The following RDX variants were observed in gnomAD, a reference collection of about 807,000 sequenced individuals.
RDX encodes the protein radixin, also known as deafness, autosomal recessive 24.
RDX carries 32 observed loss-of-function variants against 83.7 expected under a neutral mutation model. The ratio of observed to expected loss-of-function variants is 0.38; its 90% CI spans 0.29 to 0.51. The LOEUF (loss-of-function observed/expected upper bound fraction) is 0.51, where lower values mean the gene tolerates loss of function less well. Among genes scored for constraint, RDX ranks in the 20% least tolerant of loss-of-function variants. The pLI is 0.87. For synonymous variants in RDX, 229 were observed against 222.7 expected, an observed-to-expected ratio of 1.03 and a Z score of -0.25; for missense variants, 600 against 689.9, an observed-to-expected ratio of 0.87 and a Z score of 1.46.
chr11:110,197,293 G>A (rs976289181), intron 15 of RDX, among the ~76,000 whole-genome samples: 1 of 152,158 alleles, frequency 6.6e-6, no homozygotes, highest in Admixed American at 6.6e-5. Flanking sequence ...CAGTGCTGTG[G>A]AGAAGCCCTG....
chr11:110,194,001 A>C (rs1257392077), intron 15 of RDX, among the ~76,000 whole-genome samples: 1 of 152,236 alleles, frequency 6.6e-6, no homozygotes, highest in Admixed American at 6.5e-5. Flanking sequence ...GTTTTTGCCC[A>C]GTGCATTGCA....
intron 14 of RDX, among the ~76,000 whole-genome samples, chr11:110,216,993 C>T (rs975465308): frequency 1.3e-5 from 2 of 152,206 alleles, no homozygotes; most frequent in Non-Finnish European, 2.9e-5. Flanking sequence ...CCTCCCTCTT[C>T]CTCACTCTTT....
intron 3 of RDX, among the ~76,000 whole-genome samples, chr11:110,271,743 C>T (rs577303961): frequency 1.3e-5 from 2 of 152,134 alleles, no homozygotes; most frequent in East Asian, 1.9e-4. Flanking sequence ...CTTAACATAC[C>T]GGATACCTGA....
intron 3 of RDX, among the ~76,000 whole-genome samples, chr11:110,270,708 A>C (rs975835041): frequency 6.6e-6 from 1 of 152,234 alleles, no homozygotes; most frequent in Non-Finnish European, 1.5e-5. Flanking sequence ...CAGTGCCCAC[A>C]CTTCTAAACC....
rs113676544 is a variant in RDX, at chr11:110,232,114, A to C, written c.1588-81T>G. 245 of 1,078,486 alleles carry C rather than the reference A, an allele frequency of 2.3e-4. 2 individuals carry two copies. The African/African-American group carries it at 3.4e-3, about 15-fold the overall frequency. 66.8% of individuals were successfully genotyped at this position (1,078,486 alleles called of 1,614,324 possible). A position where few individuals can be genotyped will look rare whatever the true frequency, so the allele number is the denominator to read the frequency against. ...TATGAAAATGGCTTTAAGATGCAAA[A>C]ATACATATACCAAATCATTTCCACT... On this transcript the variant is annotated intron_variant, in intron 13 of 13. Coordinates refer to ENST00000645495, the MANE Select transcript of RDX (RefSeq NM_002906.4).
At chr11:110,225,902 G>GA (rs141926879), downstream of RDX, among the ~76,000 whole-genome samples, 11,798 of 150,658 alleles carry the variant, frequency 0.078, 671 homozygotes, top group Non-Finnish European at 0.12. Flanking sequence ...AAAAGAAGAA[G>GA]AAAAAAATAC....
intron 1 of RDX, chr11:110,288,193 CAT>C (rs765883287): frequency 5.9e-5 from 9 of 152,136 alleles, no homozygotes; most frequent in Non-Finnish European, 1.3e-4. Flanking sequence ...GAGTAATATA[CAT>C]GTTACTGAAA....
At chr11:110,210,781 G>A (rs2134255274) in intron 14 of RDX, among the ~76,000 whole-genome samples, 1 of 152,014 alleles carries the variant, frequency 6.6e-6, no homozygotes, top group South Asian at 2.1e-4. Flanking sequence ...TTACGGACAA[G>A]CAAATGCTGA....
Position 110,255,459 on chromosome 11 carries a change from G to A in RDX, c.699-74C>T, listed in dbSNP as rs547896832. The A allele has an allele frequency of 3.8e-6, 3 of 788,676 alleles. No individual in the cohort carries two copies. The South Asian group carries it at 4.2e-5, about 11-fold the overall frequency. The allele number at this position is 788,676 out of a possible 1,614,324, so 48.9% of individuals were successfully genotyped here. A position where few individuals can be genotyped will look rare whatever the true frequency, so the allele number is the denominator to read the frequency against. On this transcript the variant is annotated intron_variant, in intron 7 of 13. Coordinates refer to ENST00000645495, the MANE Select transcript of RDX (RefSeq NM_002906.4). ...AAAATTCCTGTTTAGGACCTAAACT[G>A]ACTGAATGACCAATCTTAAGAGTTC...
At chr11:110,244,448 CAAA>C (rs1366926543) in intron 10 of RDX, among the ~76,000 whole-genome samples, 1 of 134,338 alleles carries the variant, frequency 7.4e-6, no homozygotes, top group Non-Finnish European at 1.6e-5. Flanking sequence ...TTATGTTAAA[CAAA>C]AGAAGCCAGT....
intron 9 of RDX, among the ~76,000 whole-genome samples, chr11:110,251,464 T>C (rs1050089615): frequency 3.9e-5 from 6 of 152,208 alleles, no homozygotes; most frequent in African/African-American, 1.4e-4. Flanking sequence ...GGTAAGAATA[T>C]TATTTTCATA....
chr11:110,223,671 A>G (rs1220378252), intron 14 of RDX, among the ~76,000 whole-genome samples: 1 of 152,214 alleles, frequency 6.6e-6, no homozygotes, highest in African/African-American at 2.4e-5. Context: ...TGTCTGAGAG[A>G]AACAATCAAA....
intron 15 of RDX, among the ~76,000 whole-genome samples, chr11:110,189,591 T>C (rs368304131): frequency 7.2e-5 from 11 of 152,196 alleles, no homozygotes; most frequent in East Asian, 3.8e-4. Flanking sequence ...ACTGTAAGAT[T>C]GACCACACGC....
intron 1 of RDX, among the ~76,000 whole-genome samples, chr11:110,280,749 G>A (rs1245269203): frequency 6.6e-6 from 1 of 152,226 alleles, no homozygotes; most frequent in Admixed American, 6.5e-5. Flanking sequence ...GACTGCTTAA[G>A]CCCAGGTGGC....
intron 7 of RDX, among the ~76,000 whole-genome samples, chr11:110,255,833 T>C (rs1859521930): frequency 6.6e-6 from 1 of 152,206 alleles, no homozygotes; most frequent in Non-Finnish European, 1.5e-5. Context: ...AGTACTTCCT[T>C]CCTGTGTTTA....
At chr11:110,242,401 TCCAG>T (rs1865133729) in intron 10 of RDX, among the ~76,000 whole-genome samples, 1 of 145,010 alleles carries the variant, frequency 6.9e-6, no homozygotes, top group South Asian at 2.2e-4. Flanking sequence ...ACAATCGCAC[TCCAG>T]CCTAGGGGAC....
chr11:110,226,001 G>A (rs1042608096), downstream of RDX, among the ~76,000 whole-genome samples: 2 of 151,110 alleles, frequency 1.3e-5, no homozygotes, highest in African/African-American at 4.9e-5. Flanking sequence ...AGGAGGCACA[G>A]GTTGCAGTGA....
chr11:110,289,012 C>T (rs940507765), intron 1 of RDX, among the ~76,000 whole-genome samples: 4 of 151,974 alleles, frequency 2.6e-5, no homozygotes, highest in African/African-American at 7.3e-5. Context: ...CCCAGGTGAG[C>T]GGATCACCTG....
chr11:110,227,209 T>C (rs1343875388), downstream of RDX, among the ~76,000 whole-genome samples: 1 of 152,148 alleles, frequency 6.6e-6, no homozygotes, highest in Non-Finnish European at 1.5e-5. Context: ...TATCATAGCA[T>C]ATATTGTAAT....
Sources: gnomAD v4.1 joint callset for allele counts (sites outside exome capture counted in the v4.1 genomes callset) on GRCh38, gnomAD v4.1.1 for gene constraint, MANE v1.5 for transcripts, NCBI Gene and HGNC (gene_info 2026-07-23, HGNC 2026-07-21) for gene names.